TPPP: variants seen among roughly 807,000 people sequenced by gnomAD.
The protein encoded by TPPP is tubulin polymerization promoting protein.
TPPP carries 6 observed loss-of-function variants against 15.5 expected under a neutral mutation model. The ratio of observed to expected loss-of-function variants is 0.39; its 90% CI spans 0.21 to 0.77. The LOEUF is 0.77. TPPP is among the 30% of genes least tolerant of loss of function. TPPP has a pLI of 0.42. For missense variants in TPPP, 269 were observed against 307.2 expected, an observed-to-expected ratio of 0.88 and a Z score of 0.93; for synonymous variants, 146 against 133.9, an observed-to-expected ratio of 1.09 and a Z score of -0.63.
chr5:674,406 A>G (rs1740333607), intron 2 of TPPP, among the ~76,000 whole-genome samples: 1 of 152,162 alleles, frequency 6.6e-6, no homozygotes, highest in African/African-American at 2.4e-5. Context: ...TTGCCCACGC[A>G]GGCTCTGGAC....
At chr5:681,172 C>A (rs1740610939) in intron 1 of TPPP, among the ~76,000 whole-genome samples, 1 of 152,212 alleles carries the variant, frequency 6.6e-6, no homozygotes, top group East Asian at 1.9e-4. Flanking sequence ...CAGGTGTCCT[C>A]CACTTTCCCA....
At chr5:686,956 G>T (rs566974540) in intron 1 of TPPP, among the ~76,000 whole-genome samples, 32 of 142,016 alleles carry the variant, frequency 2.3e-4, no homozygotes, top group African/African-American at 8.0e-4. Context: ...CGGACGCCAA[G>T]CCTGCAGGTG....
chr5:669,448 C>T (rs1386712852), intron 2 of TPPP, among the ~76,000 whole-genome samples: 2 of 152,154 alleles, frequency 1.3e-5, no homozygotes, highest in Non-Finnish European at 1.5e-5. Flanking sequence ...TGACAGTGCC[C>T]ATTGGGCCCT....
At chr5:672,799 C>T (rs1309082037) in intron 2 of TPPP, among the ~76,000 whole-genome samples, 1 of 152,282 alleles carries the variant, frequency 6.6e-6, no homozygotes, top group African/African-American at 2.4e-5. Flanking sequence ...ACCGCACGCT[C>T]TTTGCAGGAG....
At chr5:693,667 G>GC (rs534080479), upstream of TPPP, among the ~76,000 whole-genome samples, 1,247 of 151,606 alleles carry the variant, frequency 8.2e-3, 29 homozygotes, top group African/African-American at 0.029. Context: ...TGGCTCTGGG[G>GC]CCCCCCGGGG....
rs1740041836 is a variant in TPPP at position 668,448 on chromosome 5, G to GCCGTCAGGGAAGTGCC, written c.312-2326_312-2325insGGCACTTCCCTGACGG. 1.9e-5 allele frequency among the ~76,000 whole-genome samples: 2 copies of GCCGTCAGGGAAGTGCC among 105,230 alleles called. 1 individual carries two copies. Among genetic ancestry groups the GCCGTCAGGGAAGTGCC allele is most frequent in the African/African-American group, 8.3e-5 (2 of 24,240 alleles). 69.0% of individuals were successfully genotyped at this position (105,230 alleles called of 152,430 possible). ...CGCGTGGGCGCCGTCAGGGAAGTGC[G>GCCGTCAGGGAAGTGCC]GACAAGCACACGGAGAGGGGGCCGC... On this transcript the variant is annotated intron_variant, in intron 2 of 3. Coordinates refer to ENST00000360578, the MANE Select transcript of TPPP (RefSeq NM_007030.3).
At position 686,815 on chromosome 5, in the gene TPPP, C is replaced by T. The variant is rs897496855; in HGVS notation, c.-5+6463G>A. 1.4e-4 allele frequency among the ~76,000 whole-genome samples: 20 copies of T among 144,208 alleles called. 2 individuals are homozygous for T. Among genetic ancestry groups the T allele is most frequent in the Non-Finnish European group, 2.5e-4 (16 of 64,058 alleles). 94.6% of individuals were successfully genotyped at this position (144,208 alleles called of 152,430 possible). ...CTAATCCCCATTGTGGTGGCATTAA[C>T]AGAGCCTTTGGGGGATGAGATTCAG... On this transcript the variant is annotated intron_variant, in intron 1 of 3. Transcript: ENST00000360578.
intron 1 of TPPP, among the ~76,000 whole-genome samples, chr5:681,750 G>T (rs1471914140): frequency 6.6e-6 from 1 of 151,734 alleles, no homozygotes; most frequent in Admixed American, 6.6e-5. Flanking sequence ...GGGCAAGACT[G>T]TGTTGTCCAA....
At chr5:667,703 G>A (rs1561081356) in intron 2 of TPPP, among the ~76,000 whole-genome samples, 1 of 151,264 alleles carries the variant, frequency 6.6e-6, no homozygotes, top group Non-Finnish European at 1.5e-5. Context: ...TCAGCAGTAA[G>A]AAAAAAAATC....
Position 664,988 on chromosome 5 carries a change from T to C in TPPP, c.*114A>G, listed in dbSNP as rs773987283. ...TGGGCCTGGCCGCCCCCCAGCCCCC[T>C]CTGGGGCACCCGTCTGAGTTCTGCC... is the stretch of plus-strand genomic sequence containing the variant. On this transcript the variant is annotated 3_prime_UTR_variant, in exon 4 of 4. Transcript: ENST00000360578. 12 of 1,327,196 alleles carry C rather than the reference T, an allele frequency of 9.0e-6. No homozygotes were observed. Among genetic ancestry groups the C allele is most frequent in the African/African-American group, 1.5e-5 (1 of 68,884 alleles). The allele number at this position is 1,327,196 out of a possible 1,614,324, so 82.2% of individuals were successfully genotyped here.
chr5:665,098 G>T lies in TPPP; in HGVS notation c.*4C>A. The T allele has an allele frequency of 6.2e-7, 1 of 1,608,378 alleles. No homozygotes were observed. Among genetic ancestry groups the T allele is most frequent in the Non-Finnish European group, 8.5e-7 (1 of 1,179,536 alleles). Reference sequence around the variant, plus strand: ...CGGCAGTGCCGCGAGGCATGGAGCGGGGGCTACTTGCCCCCTTGCACCTTC... The same window carrying T: ...CGGCAGTGCCGCGAGGCATGGAGCGTGGGCTACTTGCCCCCTTGCACCTTC... On this transcript the variant is annotated 3_prime_UTR_variant, in exon 4 of 4. Transcript: ENST00000360578.
At chr5:671,764 C>CT (rs1438892311) in intron 2 of TPPP, among the ~76,000 whole-genome samples, 1 of 152,216 alleles carries the variant, frequency 6.6e-6, no homozygotes, top group Non-Finnish European at 1.5e-5. Context: ...GGCGTGGCCA[C>CT]TAGAGGCTCC....
chr5:675,344 GGTGCAGTGTGGGGGT>G (rs1740382544), intron 2 of TPPP, among the ~76,000 whole-genome samples: 3 of 106,558 alleles, frequency 2.8e-5, no homozygotes, highest in Non-Finnish European at 5.8e-5. Context: ...TGTGGCTGGG[GGTGCAGTGTGGGGGT>G]GTGCAGTGTG....
At chr5:697,645 G>T (rs1741038541), upstream of TPPP, among the ~76,000 whole-genome samples, 2 of 152,058 alleles carry the variant, frequency 1.3e-5, no homozygotes, top group Non-Finnish European at 1.5e-5. Flanking sequence ...AGCCTGGTCA[G>T]CTTCTGTCCC....
chr5:684,032 C>G (rs1404818782), intron 1 of TPPP, among the ~76,000 whole-genome samples: 1 of 152,224 alleles, frequency 6.6e-6, no homozygotes, highest in African/African-American at 2.4e-5. Flanking sequence ...TCATTAAACC[C>G]CACTCCTGTT....
chr5:670,559 C>CG (rs1450683974), intron 2 of TPPP, among the ~76,000 whole-genome samples: 5 of 152,144 alleles, frequency 3.3e-5, no homozygotes, highest in South Asian at 4.2e-4. Context: ...CTGGGCCCCA[C>CG]GGGGGGAGGG....
chr5:685,258 T>G (rs1176107953), intron 1 of TPPP, among the ~76,000 whole-genome samples: 1 of 152,236 alleles, frequency 6.6e-6, no homozygotes, highest in Non-Finnish European at 1.5e-5. Flanking sequence ...GAGGTCGGGC[T>G]CCTGCTCTCC....
In TPPP at chr5:661,398, A is replaced by T. The variant is rs1462857186; in HGVS notation, c.*3704T>A. 5 of 152,016 alleles carry T rather than the reference A, an allele frequency of 3.3e-5. No homozygotes were observed. The highest frequency in any genetic ancestry group is 3.3e-4 in the Admixed American group (5 of 15,236). The allele number at this position is 152,016 out of a possible 1,614,324, so 9.4% of individuals were successfully genotyped here. The stretch of plus-strand genomic sequence containing the variant: ...TGTGTCCTCGTGTCACCCATGACAG[A>T]ACCTGTCCCTGTGTCCTGGTGTCAC... On this transcript the variant is annotated 3_prime_UTR_variant, in exon 4 of 4. Coordinates refer to ENST00000360578, the MANE Select transcript of TPPP (RefSeq NM_007030.3).
intron 1 of TPPP, among the ~76,000 whole-genome samples, chr5:691,979 A>G (rs1280713732): frequency 1.4e-5 from 1 of 70,418 alleles, no homozygotes; most frequent in East Asian, 4.7e-4. Flanking sequence ...CAGCCCCCAG[A>G]CCCCATCAAA....
Sources: allele counts gnomAD v4.1 joint callset (sites outside exome capture counted in the v4.1 genomes callset), GRCh38; gene constraint gnomAD v4.1.1; transcripts MANE v1.5; gene names NCBI Gene and HGNC (gene_info 2026-07-23, HGNC 2026-07-21).